KCNH7: variants seen among roughly 807,000 people sequenced by gnomAD.
KCNH7 encodes potassium voltage-gated channel subfamily H member 7, also known as voltage-gated inwardly rectifying potassium channel KCNH7.
A neutral mutation model predicts 120.8 loss-of-function variants in KCNH7; 49 were observed. The observed-to-expected ratio is 0.41, with a 90% CI of 0.32 to 0.51. The LOEUF (loss-of-function observed/expected upper bound fraction) is 0.51. KCNH7 is among the 20% of genes least tolerant of loss of function. KCNH7 has a pLI of 0.38. For missense variants in KCNH7, 1,097 were observed against 1,446.6 expected, an observed-to-expected ratio of 0.76 and a Z score of 3.92; for synonymous variants, 547 against 516.1, an observed-to-expected ratio of 1.06 and a Z score of -0.81.
At chr2:162,564,209 A>G (rs1223079829) in intron 2 of KCNH7, among the ~76,000 whole-genome samples, 3 of 151,878 alleles carry the variant, frequency 2.0e-5, no homozygotes, top group Non-Finnish European at 4.4e-5. Flanking sequence ...ATTAATATTT[A>G]TTATTAAAAA....
At chr2:162,398,160 T>C (rs1360142364) in intron 10 of KCNH7, among the ~76,000 whole-genome samples, 2 of 151,888 alleles carry the variant, frequency 1.3e-5, no homozygotes, top group African/African-American at 4.8e-5. Context: ...AATAGTACTC[T>C]CCTGTGTCTA....
chr2:162,632,133 T>A (rs1031766030), intron 2 of KCNH7, among the ~76,000 whole-genome samples: 1 of 151,978 alleles, frequency 6.6e-6, no homozygotes, highest in East Asian at 1.9e-4. Context: ...TCCACATTAA[T>A]CAACTGAAAA....
intron 3 of KCNH7, among the ~76,000 whole-genome samples, chr2:162,520,942 A>AT (rs1183505467): frequency 6.6e-6 from 1 of 151,786 alleles, no homozygotes; most frequent in Non-Finnish European, 1.5e-5. Context: ...TGGAATTTTA[A>AT]TTCCCCTTGA....
intron 2 of KCNH7, among the ~76,000 whole-genome samples, chr2:162,645,432 C>T (rs1364473478): frequency 1.3e-5 from 2 of 152,102 alleles, no homozygotes; most frequent in South Asian, 2.1e-4. Context: ...AGGCATGAGC[C>T]ACTACACCTG....
intron 8 of KCNH7, among the ~76,000 whole-genome samples, chr2:162,431,229 G>C (rs921023954): frequency 3.3e-5 from 5 of 151,840 alleles, no homozygotes; most frequent in African/African-American, 1.2e-4. Flanking sequence ...TTTTCTTTTA[G>C]AATAAAGATT....
intron 2 of KCNH7, among the ~76,000 whole-genome samples, chr2:162,617,499 A>T (rs1401885268): frequency 1.3e-5 from 2 of 152,168 alleles, no homozygotes; most frequent in East Asian, 3.9e-4. Flanking sequence ...ACAAAAAAAA[A>T]ATAGAATTTA....
intron 14 of KCNH7, among the ~76,000 whole-genome samples, chr2:162,378,649 A>G (rs969205800): frequency 6.6e-6 from 1 of 152,216 alleles, no homozygotes; most frequent in Non-Finnish European, 1.5e-5. Context: ...TTGCTTATAC[A>G]TAGAGATGGA....
intron 2 of KCNH7, among the ~76,000 whole-genome samples, chr2:162,655,462 A>C (rs1684717436): frequency 6.6e-6 from 1 of 152,186 alleles, no homozygotes; most frequent in African/African-American, 2.4e-5. Context: ...TTCATCTGCA[A>C]AATGAGGATA....
intron 2 of KCNH7, among the ~76,000 whole-genome samples, chr2:162,620,163 G>T (rs55967009): frequency 0.53 from 77,731 of 146,458 alleles, 20,489 homozygotes; most frequent in Middle Eastern, 0.62. Context: ...TATATATATA[G>T]AGAGAGAGAT....
intron 2 of KCNH7, among the ~76,000 whole-genome samples, chr2:162,816,423 C>T (rs1171655272): frequency 6.6e-6 from 1 of 151,976 alleles, no homozygotes; most frequent in Admixed American, 6.6e-5. Flanking sequence ...TGCCCTTTCC[C>T]ATAATAGAAA....
At chr2:162,601,306 C>A (rs537170416) in intron 2 of KCNH7, among the ~76,000 whole-genome samples, 2 of 145,284 alleles carry the variant, frequency 1.4e-5, no homozygotes, top group Non-Finnish European at 3.0e-5. Context: ...AGTCAAGGTT[C>A]TGGGCATTTG....
chr2:162,802,656 T>A (rs1397999864), intron 2 of KCNH7, among the ~76,000 whole-genome samples: 2 of 151,826 alleles, frequency 1.3e-5, no homozygotes, highest in East Asian at 3.8e-4. Flanking sequence ...CAATATATTT[T>A]ATCTAATCCA....
chr2:162,414,502 A>AG (rs1687483442), intron 9 of KCNH7, among the ~76,000 whole-genome samples: 1 of 151,708 alleles, frequency 6.6e-6, no homozygotes, highest in South Asian at 2.1e-4. Flanking sequence ...CATTAAAAGG[A>AG]ATGAATTAGT....
chr2:162,758,705 A>C (rs1559119405), intron 2 of KCNH7, among the ~76,000 whole-genome samples: 4 of 152,102 alleles, frequency 2.6e-5, no homozygotes, highest in Non-Finnish European at 5.9e-5. Context: ...TGTATAAATT[A>C]TTTCCTATAC....
intron 2 of KCNH7, among the ~76,000 whole-genome samples, chr2:162,541,543 CA>C (rs1427930564): frequency 3.3e-5 from 5 of 151,976 alleles, no homozygotes; most frequent in Admixed American, 3.3e-4. Flanking sequence ...TTTTCAGGGA[CA>C]TGAATAGAGT....
At chr2:162,670,470 C>CAAAAAAA (rs61610131) in intron 2 of KCNH7, among the ~76,000 whole-genome samples, 2 of 48,234 alleles carry the variant, frequency 4.1e-5, no homozygotes, top group East Asian at 5.6e-4. Context: ...CGAACTCTGT[C>CAAAAAAA]AAAAAAAAAA....
chr2:162,470,178 A>T (rs1689459627), intron 6 of KCNH7, among the ~76,000 whole-genome samples: 1 of 147,416 alleles, frequency 6.8e-6, no homozygotes, highest in South Asian at 2.2e-4. Flanking sequence ...ATCGTCTGGG[A>T]TGTGAGGAGC....
intron 8 of KCNH7, among the ~76,000 whole-genome samples, chr2:162,427,194 A>T (rs914405497): frequency 1.3e-5 from 2 of 152,020 alleles, no homozygotes; most frequent in Non-Finnish European, 2.9e-5. Flanking sequence ...CTTGTATACA[A>T]GTCTTTGTGT....
intron 2 of KCNH7, among the ~76,000 whole-genome samples, chr2:162,752,747 AAATTAGCCGGG>A (rs1470768612): frequency 4.0e-5 from 6 of 151,012 alleles, no homozygotes; most frequent in African/African-American, 1.5e-4. Context: ...AAAATGACAA[AAATTAGCCGGG>A]TGTGATGGTG....
Sources: allele counts gnomAD v4.1 joint callset (sites outside exome capture counted in the v4.1 genomes callset), GRCh38; gene constraint gnomAD v4.1.1; transcripts MANE v1.5; gene names NCBI Gene and HGNC (gene_info 2026-07-23, HGNC 2026-07-21).